The following FOXM1 variants were observed in gnomAD, a reference collection of about 807,000 sequenced individuals.
FOXM1 encodes the protein forkhead box M1.
Under a neutral mutation model 63.6 loss-of-function variants are expected in FOXM1, and 25 were observed. That is an observed-to-expected ratio of 0.39 (90% CI 0.29 to 0.55). FOXM1 has a LOEUF of 0.55. Ranked by LOEUF, FOXM1 falls within the 20% of genes least tolerant of loss-of-function variation. The pLI is 0.60. For synonymous variants in FOXM1, 387 were observed against 376.9 expected (o/e 1.03, Z -0.31); for missense variants, 879 against 958.7 (o/e 0.92, Z 1.10).
chr12:2,865,993 G>C (rs182792172), intron 5 of FOXM1, among the ~76,000 whole-genome samples: 1 of 152,236 alleles, frequency 6.6e-6, no homozygotes, highest in East Asian at 1.9e-4. Flanking sequence ...AGAATTTCTT[G>C]TAAGAATCAC....
Position 2,866,497 on chromosome 12 carries a change from G to C in FOXM1, c.871C>G (p.Leu291Val). Reference protein sequence around the residue: ...WKNSIRHNLSLHDMFVRETSA... With the variant: ...WKNSIRHNLSVHDMFVRETSA... ...GTCTCCCGGACAAACATGTCGTGCA[G>C]GGAAAGGTTGTGGCGGATGGAGTTC... Residue 291 changes from leucine (L) to valine (V), a missense_variant, in exon 5 of 9, where the codon CTG becomes GTG. Physicochemically the swap from Leu to Val is conservative, Grantham distance 32. Transcript: ENST00000359843. 6.4e-7 allele frequency: 1 copy of C among 1,564,612 alleles called. No homozygotes were observed. Among genetic ancestry groups the C allele is most frequent in the Non-Finnish European group, 8.6e-7 (1 of 1,159,214 alleles).
intron 3 of FOXM1, among the ~76,000 whole-genome samples, chr12:2,871,819 ATCATT>A (rs1222649711): frequency 6.6e-6 from 1 of 152,162 alleles, no homozygotes; most frequent in East Asian, 1.9e-4. Context: ...AGACCTCTTA[ATCATT>A]TCCTGAATAC....
At chr12:2,867,490 A>T (rs1259343354) in intron 4 of FOXM1, among the ~76,000 whole-genome samples, 1 of 152,014 alleles carries the variant, frequency 6.6e-6, no homozygotes, top group Non-Finnish European at 1.5e-5. Flanking sequence ...GGAAGGGAGT[A>T]AAATTAAAAG....
In FOXM1 at chr12:2,859,455, G is replaced by A; in HGVS notation, c.1475C>T (p.Pro492Leu). The stretch of plus-strand genomic sequence containing the variant: ...GTGAGATGATTCCTCTTTGAAAGAT[G>A]GGGCCGGGGAGGGCCACTCTTCCAA... ...PPLEEWPSPA[P>L]SFKEESSHSW... Residue 492 changes from proline to leucine, a missense_variant, in exon 9 of 9, where the codon CCA becomes CTA. Physicochemically the swap from Pro to Leu is moderately conservative, Grantham distance 98. Transcript: ENST00000359843. The A allele has an allele frequency of 6.2e-7, 1 of 1,613,974 alleles. No homozygotes were observed. The highest frequency in any genetic ancestry group is 1.7e-5 in the Admixed American group (1 of 60,016).
rs114370307 is a variant in FOXM1, at chr12:2,862,331, A to G, written c.1266+1989T>C. Among the ~76,000 whole-genome samples the G allele has an allele frequency of 9.0e-3, 1,375 of 152,308 alleles. 15 individuals are homozygous for G. The highest frequency in any genetic ancestry group is 0.031 in the African/African-American group (1,295 of 41,554). ...GCATTGATAAAATATGCAAGAAAGC[A>G]TCATAAATTATCAACCAGTTATCTT... On this transcript the variant is annotated intron_variant, in intron 8 of 8. Coordinates refer to ENST00000359843, the MANE Select transcript of FOXM1 (RefSeq NM_021953.4).
Position 2,864,538 on chromosome 12 carries a change from A to G in FOXM1, c.1091-43T>C, listed in dbSNP as rs1033239440. The G allele has an allele frequency of 3.8e-6, 6 of 1,594,076 alleles. No individual in the cohort carries two copies. Among genetic ancestry groups the G allele is most frequent in the Non-Finnish European group, 5.2e-6 (6 of 1,164,498 alleles). On this transcript the variant is annotated intron_variant, in intron 7 of 8. Transcript: ENST00000359843. This position sits in a 1 kb window ranked among gnomAD's most constrained non-coding sequence, Gnocchi z 5.1. Reference sequence around the variant, plus strand: ...AGATCAGGAGCAGGGGGACTGGAGTACACCCCTTCTCAGCCCCAGGAGCTT... The same window carrying G: ...AGATCAGGAGCAGGGGGACTGGAGTGCACCCCTTCTCAGCCCCAGGAGCTT...
chr12:2,858,851 A>C lies in FOXM1; in HGVS notation c.2079T>G (p.Ser693=), dbSNP rs1187700995. 15 of 1,613,916 alleles carry C rather than the reference A, an allele frequency of 9.3e-6. No homozygotes were observed. The highest frequency in any genetic ancestry group is 1.3e-5 in the Non-Finnish European group (15 of 1,180,028). ...GCTTGGGGACGTCTATATCTGAGGG[A>C]GAAGAGTTGCCAAAGGGGACGGAGA... The part of the protein sequence containing the change: ...DLISVPFGNS[S]PSDIDVPKPG... Residue 693 remains serine (S), a synonymous_variant, in exon 9 of 9, where the codon TCT becomes TCG. Coordinates refer to ENST00000359843, the MANE Select transcript of FOXM1 (RefSeq NM_021953.4).
intron 1 of FOXM1, chr12:2,876,121 A>G (rs1346611903): frequency 1.3e-5 from 2 of 152,122 alleles, no homozygotes; most frequent in East Asian, 1.9e-4. Flanking sequence ...GTGTAATTCT[A>G]TTTCACGGAA....
intron 3 of FOXM1, among the ~76,000 whole-genome samples, chr12:2,868,995 G>A (rs2098128360): frequency 6.6e-6 from 1 of 152,182 alleles, no homozygotes; most frequent in African/African-American, 2.4e-5. Context: ...TGAATTTGGA[G>A]AAAATCCAGT....
chr12:2,862,885 C>T (rs555124425), intron 8 of FOXM1, among the ~76,000 whole-genome samples: 1 of 150,846 alleles, frequency 6.6e-6, no homozygotes, highest in South Asian at 2.1e-4. Context: ...CCAAGTCGCT[C>T]TAAACTCCAG....
chr12:2,859,789 C>T (rs966779252), intron 8 of FOXM1, 126 bp from the exon 9 acceptor site: 7 of 701,884 alleles, frequency 1.0e-5, no homozygotes, highest in South Asian at 2.0e-5. Context: ...TATGAGAATA[C>T]GATGTATGTT....
rs201213340 is a variant in FOXM1, at chr12:2,873,580, A to AT, written c.502+396dup. Among the ~76,000 whole-genome samples the AT allele has an allele frequency of 7.1e-4, 103 of 145,596 alleles. 1 individual carries two copies. The highest frequency in any genetic ancestry group is 8.1e-4 in the East Asian group (4 of 4,962). ...TATTTTTGAGACCCCTTCTTTTTTC[A>AT]TTTTTATTTTTTTTTTTGAGACAGA... On this transcript the variant is annotated intron_variant, in intron 2 of 8. Transcript: ENST00000359843.
At chr12:2,866,900 C>T (rs1235190049) in intron 4 of FOXM1, among the ~76,000 whole-genome samples, 1 of 152,222 alleles carries the variant, frequency 6.6e-6, no homozygotes, top group Non-Finnish European at 1.5e-5. Flanking sequence ...CGCCTATAAT[C>T]CCAGCACTGT....
Position 2,872,236 on chromosome 12 carries a change from C to T in FOXM1, c.514G>A (p.Ala172Thr). The change falls in exon 3 of 9, where the codon GCA (alanine) becomes ACA (threonine). Residue 172 changes from alanine to threonine, a missense_variant. By Grantham distance (58) the Ala-to-Thr change is moderately conservative. Around this residue, in one of 4 missense-constraint regions of FOXM1, gnomAD observed 255 missense variants for 292.4 expected, o/e 0.87. Coordinates refer to ENST00000359843, the MANE Select transcript of FOXM1 (RefSeq NM_021953.4). The surrounding 1 kb of genome is among the most constrained non-coding windows in gnomAD (Gnocchi z 4.0). ...CTATTGTTGATAGTGCAGCCTGCTG[C>T]CTCACCATCTGCTAGAGGGAAAATA... ...QKRETCADGE[A>T]AGCTINNSLS... is the part of the protein sequence containing the mutation. 6.2e-7 allele frequency: 1 copy of T among 1,614,170 alleles called. No individual in the cohort carries two copies. Among genetic ancestry groups the T allele is most frequent in the Non-Finnish European group, 8.5e-7 (1 of 1,180,016 alleles).
chr12:2,874,375 G>T lies in FOXM1; in HGVS notation c.104C>A (p.Ser35Tyr). 4 of 1,614,128 alleles carry T rather than the reference G, an allele frequency of 2.5e-6. No individual in the cohort carries two copies. The highest frequency in any genetic ancestry group is 3.4e-6 in the Non-Finnish European group (4 of 1,180,030). The part of the protein sequence containing the change: ...SETSEEEPKR[S>Y]PAQQESNQAE... The stretch of plus-strand genomic sequence containing the variant: ...TTGATTAGACTCCTGTTGGGCAGGG[G>T]ATCTCTTAGGTTCCTCCTCTGATGT... The change falls in exon 2 of 9, where the codon TCC becomes TAC. Residue 35 changes from serine (S) to tyrosine (Y), a missense_variant. Around this residue, in one of 4 missense-constraint regions of FOXM1, gnomAD observed 255 missense variants for 292.4 expected, o/e 0.87. Transcript: ENST00000359843. The surrounding 1 kb of genome is among the most constrained non-coding windows in gnomAD (Gnocchi z 4.3).
In FOXM1 at chr12:2,873,322, C is replaced by T. The variant is rs543179767; in HGVS notation, c.502+655G>A. Among the ~76,000 whole-genome samples the T allele has an allele frequency of 1.2e-3, 181 of 148,866 alleles. 2 individuals carry two copies. The highest frequency in any genetic ancestry group is 3.7e-3 in the African/African-American group (148 of 39,854). ...GCTGAGGCAGGAGAATCACTTGAAC[C>T]CAGAAGGTGGAGATTGCAGTGAGCT... On this transcript the variant is annotated intron_variant, in intron 2 of 8. Coordinates refer to ENST00000359843, the MANE Select transcript of FOXM1 (RefSeq NM_021953.4).
intron 8 of FOXM1, among the ~76,000 whole-genome samples, chr12:2,860,951 G>A (rs571658970): frequency 6.6e-6 from 1 of 151,678 alleles, no homozygotes; most frequent in Admixed American, 6.6e-5. Context: ...GGTGGATCAT[G>A]AGGTCAGGAG....
intron 8 of FOXM1, among the ~76,000 whole-genome samples, chr12:2,861,907 G>C (rs113678159): frequency 6.6e-6 from 1 of 152,286 alleles, no homozygotes; most frequent in East Asian, 1.9e-4. Context: ...GAGGCTGGGC[G>C]TGGTGGGTCA....
intron 6 of FOXM1, 41 bp downstream of exon 6, chr12:2,865,314 A>G (rs1430760545): frequency 6.4e-7 from 1 of 1,572,676 alleles, no homozygotes; most frequent in Middle Eastern, 1.7e-4. Flanking sequence ...CAGTGAAAGG[A>G]AAACAAGGCC....
Sources: gnomAD v4.1 joint callset for allele counts (sites outside exome capture counted in the v4.1 genomes callset) on GRCh38, gnomAD v4.1.1 for gene constraint, gnomAD v4.1.1 regional missense constraint, Gnocchi (gnomAD v3.1) non-coding constraint, MANE v1.5 for transcripts, NCBI Gene and HGNC (gene_info 2026-07-23, HGNC 2026-07-21) for gene names.